UBA5: variants seen among roughly 807,000 people sequenced by gnomAD.
UBA5 encodes the protein ubiquitin-like modifier-activating enzyme 5.
A neutral mutation model predicts 52.9 loss-of-function variants in UBA5; 28 were observed. The ratio of observed to expected loss-of-function variants is 0.53; its 90% confidence interval spans 0.39 to 0.73. The LOEUF is 0.73. UBA5 is among the 30% of genes least tolerant of loss of function. The probability of loss-of-function intolerance (pLI) is 0.00; values close to 1 mark genes in which losing one functional copy is unlikely to be tolerated. For missense variants in UBA5, 388 were observed against 492.7 expected, an observed-to-expected ratio of 0.79 and a Z score of 2.01; for synonymous variants, 135 against 162.1, an observed-to-expected ratio of 0.83 and a Z score of 1.27.
chr3:132,659,435 A>C, upstream of UBA5: 29 of 810,508 alleles, frequency 3.6e-5, no homozygotes, highest in Non-Finnish European at 4.7e-5. Context: ...AGCCCCCAGC[A>C]TCGAATTCGG....
upstream of UBA5, among the ~76,000 whole-genome samples, chr3:132,657,121 ATAGTTT>A (rs1167905402): frequency 1.3e-5 from 2 of 152,196 alleles, no homozygotes; most frequent in Non-Finnish European, 2.9e-5. Context: ...CCAAACATTT[ATAGTTT>A]AACATTCAGT....
intron 3 of UBA5, chr3:132,668,185 GT>G (rs1277517293): frequency 2.0e-5 from 3 of 149,918 alleles, no homozygotes; most frequent in African/African-American, 7.7e-5. Flanking sequence ...GTGTGTGTGT[GT>G]GTGTGTGTGT....
Position 132,677,693 on chromosome 3 carries a change from C to G in UBA5, c.*1167C>G, listed in dbSNP as rs977309924. 1 of 152,112 alleles carries G rather than the reference C, an allele frequency of 6.6e-6. No individual in the cohort carries two copies. Among genetic ancestry groups the G allele is most frequent in the African/African-American group, 2.4e-5 (1 of 41,434 alleles). The allele number at this position is 152,112 out of a possible 1,614,324, so 9.4% of individuals were successfully genotyped here. A position where few individuals can be genotyped will look rare whatever the true frequency, so the allele number is the denominator to read the frequency against. ...ATTTTTACTTTGAAGATAGGAATATCTAAATTATATCTCTAGGGAGAAAAT... is the reference window on the plus strand; with the variant it reads ...ATTTTTACTTTGAAGATAGGAATATGTAAATTATATCTCTAGGGAGAAAAT... On this transcript the variant is annotated 3_prime_UTR_variant, in exon 12 of 12. Coordinates refer to ENST00000356232, the MANE Select transcript of UBA5 (RefSeq NM_024818.6).
upstream of UBA5, chr3:132,659,914 G>C: frequency 1.3e-6 from 1 of 782,604 alleles, no homozygotes; most frequent in Non-Finnish European, 1.9e-6. Context: ...AGCAACGCTT[G>C]CCCGCTGAAT....
At chr3:132,675,520 A>G in intron 9 of UBA5, 85 bp from the exon 10 acceptor site, 4 of 1,518,922 alleles carry the variant, frequency 2.6e-6, no homozygotes, top group South Asian at 1.2e-5. Flanking sequence ...TTTTGGTAAG[A>G]TAAAAAGCCT....
Position 132,676,033 on chromosome 3 carries a change from C to A in UBA5, c.1131+110C>A. The A allele has an allele frequency of 2.7e-6, 2 of 740,180 alleles. No homozygotes were observed. The highest frequency in any genetic ancestry group is 2.2e-6 in the Non-Finnish European group (1 of 457,152). The allele number at this position is 740,180 out of a possible 1,614,324, so 45.9% of individuals were successfully genotyped here. A position where few individuals can be genotyped will look rare whatever the true frequency, so the allele number is the denominator to read the frequency against. The stretch of plus-strand genomic sequence containing the variant: ...TATTTCCTGTTTTAGATATTTTATG[C>A]TATAGGCATTAAGATGTGAGAGAGA... On this transcript the variant is annotated intron_variant, in intron 11 of 11. Transcript: ENST00000356232. The surrounding 1 kb of genome is among the most constrained non-coding windows in gnomAD (Gnocchi z 4.1).
intron 8 of UBA5, among the ~76,000 whole-genome samples, chr3:132,673,444 C>T (rs984949929): frequency 4.6e-5 from 7 of 152,090 alleles, no homozygotes; most frequent in Admixed American, 4.6e-4. Flanking sequence ...ACCTCCTGAG[C>T]TCAAGTGATC....
upstream of UBA5, chr3:132,659,880 C>A: frequency 8.6e-7 from 1 of 1,161,212 alleles, no homozygotes; most frequent in South Asian, 1.8e-5. Context: ...CAGCCAACCG[C>A]ACACAGCCTA....
At chr3:132,665,941 A>G in intron 2 of UBA5, 43 bp from the exon 3 acceptor site, 3 of 1,610,742 alleles carry the variant, frequency 1.9e-6, no homozygotes, top group Non-Finnish European at 8.5e-7. Context: ...GACATATTTG[A>G]TGAAGAGCTA....
At chr3:132,670,663 A>G (rs1055667684) in intron 5 of UBA5, 1 of 233,298 alleles carries the variant, frequency 4.3e-6, no homozygotes, top group Non-Finnish European at 8.2e-6. Flanking sequence ...ATGAAGCATG[A>G]ATAAAAATGT....
At chr3:132,667,212 C>T (rs1018373633) in intron 3 of UBA5, 6 of 152,174 alleles carry the variant, frequency 3.9e-5, no homozygotes, top group Admixed American at 2.6e-4. Context: ...TGTATTTTAA[C>T]ACAATCCCCA....
Position 132,660,714 on chromosome 3 carries a change from G to T in UBA5, c.161+16G>T, listed in dbSNP as rs909633319. On this transcript the variant is annotated intron_variant, in intron 1 of 11. Coordinates refer to ENST00000356232, the MANE Select transcript of UBA5 (RefSeq NM_024818.6). The surrounding 1 kb of genome is among the most constrained non-coding windows in gnomAD (Gnocchi z 4.1). ...ATCCCTACAGGTAACCTGCGTCGCC[G>T]GTCGGAGGCAGGCGCGGGGGACGAG... 1 of 1,526,140 alleles carries T rather than the reference G, an allele frequency of 6.6e-7. No individual in the cohort carries two copies. Among genetic ancestry groups the T allele is most frequent in the South Asian group, 1.2e-5 (1 of 80,918 alleles). The allele number at this position is 1,526,140 out of a possible 1,614,324, so 94.5% of individuals were successfully genotyped here. A position where few individuals can be genotyped will look rare whatever the true frequency, so the allele number is the denominator to read the frequency against.
intron 2 of UBA5, 22 bp downstream of exon 2, chr3:132,665,890 T>C: frequency 6.2e-7 from 1 of 1,613,120 alleles, no homozygotes; most frequent in Non-Finnish European, 8.5e-7. Flanking sequence ...CCTTTCCAAG[T>C]TTTTGTAAGA....
intron 1 of UBA5, among the ~76,000 whole-genome samples, chr3:132,664,629 T>G (rs975006086): frequency 6.6e-6 from 1 of 152,132 alleles, no homozygotes; most frequent in Non-Finnish European, 1.5e-5. Flanking sequence ...GCCTAAGAAA[T>G]TGCATTTCTA....
chr3:132,668,965 A>G, intron 4 of UBA5, 38 bp downstream of exon 4: 1 of 1,331,450 alleles, frequency 7.5e-7, no homozygotes, highest in Non-Finnish European at 1.0e-6. Context: ...ATTCAGTGAA[A>G]TCTTACTTTA....
At position 132,660,922 on chromosome 3, in the gene UBA5, CCTG is replaced by C; in HGVS notation, c.161+225_161+227del. The C allele has an allele frequency of 6.7e-7, 1 of 1,485,820 alleles. No individual in the cohort carries two copies. The highest frequency in any genetic ancestry group is 1.4e-5 in the African/African-American group (1 of 71,564). The allele number at this position is 1,485,820 out of a possible 1,614,324, so 92.0% of individuals were successfully genotyped here. On this transcript the variant is annotated intron_variant, in intron 1 of 11. Transcript: ENST00000356232. This position sits in a 1 kb window ranked among gnomAD's most constrained non-coding sequence, Gnocchi z 4.1. ...AGTGAGTCAGCCATATGGTGCTGCT[CCTG>C]TGCCTGCTGAGGACGTGTGTCCAGT...
At chr3:132,660,164 A>G, upstream of UBA5, 1 of 366,708 alleles carries the variant, frequency 2.7e-6, no homozygotes, top group Non-Finnish European at 4.9e-6. This position sits in a 1 kb window ranked among gnomAD's most constrained non-coding sequence, Gnocchi z 4.1. Context: ...CCTAAGAATA[A>G]AAAGACCCTG....
upstream of UBA5, chr3:132,659,944 T>A (rs1938050171): frequency 3.4e-6 from 2 of 594,716 alleles, no homozygotes; most frequent in Admixed American, 3.7e-5. Flanking sequence ...TTAGCTCTAG[T>A]CAAGTGCCAA....
chr3:132,665,629 G>A, intron 1 of UBA5, 194 bp from the exon 2 acceptor site: 1 of 568,574 alleles, frequency 1.8e-6, no homozygotes, highest in East Asian at 2.9e-5. Context: ...TGCTACACTT[G>A]GGAGAGTTTT....
Sources: gnomAD v4.1 joint callset for allele counts (sites outside exome capture counted in the v4.1 genomes callset) on GRCh38, gnomAD v4.1.1 for gene constraint, Gnocchi (gnomAD v3.1) non-coding constraint, MANE v1.5 for transcripts, NCBI Gene and HGNC (gene_info 2026-07-23, HGNC 2026-07-21) for gene names.